The following SLC12A6 variants were observed in gnomAD, a reference collection of about 807,000 sequenced individuals.
SLC12A6 encodes the protein K-Cl cotransporter 3.
SLC12A6 carries 66 observed loss-of-function variants against 135.3 expected under a neutral mutation model. The observed-to-expected ratio is 0.49, with a 90% CI of 0.40 to 0.60. The LOEUF is 0.60. SLC12A6 is among the 20% of genes least tolerant of loss of function. The pLI is 0.00. For missense variants in SLC12A6, 1,058 were observed against 1,452.3 expected (o/e 0.73, Z 4.41); for synonymous variants, 513 against 508.8 (o/e 1.01, Z -0.11).
At chr15:34,308,091 A>C (rs996620834) in intron 2 of SLC12A6, among the ~76,000 whole-genome samples, 1 of 152,112 alleles carries the variant, frequency 6.6e-6, no homozygotes, top group Non-Finnish European at 1.5e-5. Context: ...ATGAAATATA[A>C]TTTTTCTTAA....
intron 2 of SLC12A6, among the ~76,000 whole-genome samples, chr15:34,283,605 A>G (rs1329338660): frequency 6.6e-6 from 1 of 152,136 alleles, no homozygotes. Flanking sequence ...TATTTAGGAA[A>G]TATTAATGTA....
At chr15:34,242,012 A>G in intron 17 of SLC12A6, 90 bp downstream of exon 17, 1 of 917,284 alleles carries the variant, frequency 1.1e-6, no homozygotes, top group Non-Finnish European at 1.8e-6. Context: ...AAGTTACCTG[A>G]GTCCTTAAGA....
intron 25 of SLC12A6, 39 bp from the exon 26 acceptor site, chr15:34,234,011 C>G (rs761919498): frequency 3.8e-6 from 4 of 1,048,148 alleles, no homozygotes; most frequent in African/African-American, 3.1e-5. Context: ...AAGAAGAGCA[C>G]AAACTTAAAA....
rs1889067374 is a variant in SLC12A6 at position 34,321,209 on chromosome 15, T to C, written c.271+15201A>G. On this transcript the variant is annotated intron_variant, in intron 2 of 25. Transcript: ENST00000354181. ...GAAAACTCATATACACTCACCTAAA[T>C]TTTATTTCATTGGTTCTTAATAGCA... Among the ~76,000 whole-genome samples the C allele has an allele frequency of 2.6e-5, 4 of 152,326 alleles. No individual in the cohort carries two copies. In the South Asian group the frequency reaches 8.3e-4, roughly 32 times the overall value.
chr15:34,298,447 C>A (rs1358324187), intron 2 of SLC12A6, among the ~76,000 whole-genome samples: 1 of 151,558 alleles, frequency 6.6e-6, no homozygotes, highest in Non-Finnish European at 1.5e-5. Context: ...TGCACTCCAG[C>A]CTAGGCGACA....
chr15:34,333,225 T>C (rs1210298052), intron 2 of SLC12A6, among the ~76,000 whole-genome samples: 2 of 150,082 alleles, frequency 1.3e-5, no homozygotes, highest in Non-Finnish European at 2.9e-5. Context: ...TATTTTTTTT[T>C]CTTTTTCTTT....
At chr15:34,326,858 CTTTTTTTTTTTTT>C (rs397963192) in intron 2 of SLC12A6, among the ~76,000 whole-genome samples, 3 of 72,182 alleles carry the variant, frequency 4.2e-5, no homozygotes, top group African/African-American at 2.5e-4. Flanking sequence ...CAACTGGCTG[CTTTTTTTTTTTTT>C]TTTTTTTTTT....
chr15:34,229,867 T>C lies in SLC12A6; in HGVS notation c.*4014A>G. On this transcript the variant is annotated 3_prime_UTR_variant, in exon 26 of 26. Transcript: ENST00000354181. The stretch of plus-strand genomic sequence containing the variant: ...CTTTAAGCCCAGTGGCTCCTCAGCA[T>C]ACTCTTAAACTAATCACTTATGTTA... The C allele has an allele frequency of 7.4e-7, 1 of 1,343,942 alleles. No individual in the cohort carries two copies. Among genetic ancestry groups the C allele is most frequent in the Non-Finnish European group, 1.1e-6 (1 of 934,278 alleles). 83.3% of individuals were successfully genotyped at this position (1,343,942 alleles called of 1,614,324 possible).
At chr15:34,323,184 G>T (rs886162193) in intron 2 of SLC12A6, among the ~76,000 whole-genome samples, 1 of 152,096 alleles carries the variant, frequency 6.6e-6, no homozygotes, top group Non-Finnish European at 1.5e-5. Flanking sequence ...TCAATAATAT[G>T]AAGACAAATA....
At chr15:34,258,664 G>A in intron 5 of SLC12A6, 149 bp downstream of exon 5, 3 of 757,636 alleles carry the variant, frequency 4.0e-6, no homozygotes, top group South Asian at 1.4e-5. Flanking sequence ...TGTTTTCTTT[G>A]TGCTATGACG....
At chr15:34,323,940 C>CAAA (rs144461318) in intron 2 of SLC12A6, among the ~76,000 whole-genome samples, 2 of 130,994 alleles carry the variant, frequency 1.5e-5, no homozygotes, top group East Asian at 2.5e-4. Context: ...GATCTTGTCT[C>CAAA]AAAAAAAAAA....
rs142754013 is a variant in SLC12A6 at position 34,252,356 on chromosome 15, A to C, written c.1147T>G (p.Ser383Ala). 2.5e-6 allele frequency: 4 copies of C among 1,612,286 alleles called. No individual in the cohort carries two copies. In the African/African-American group the frequency reaches 5.3e-5, roughly 22 times the overall value. ...GAGCAAACGTCAATGTGTCTTGATG[A>C]AAGGGTGCGGTTACCCAGCATGCAG... Reference protein sequence around the residue: ...PVCMLGNRTLSSRHIDVCSKT... With the variant: ...PVCMLGNRTLASRHIDVCSKT... The change falls in exon 10 of 26, where the codon TCA (serine) becomes GCA (alanine). Residue 383 changes from serine to alanine, a missense_variant. Around this residue, in one of 6 missense-constraint regions of SLC12A6, gnomAD observed 297 missense variants for 318.5 expected, o/e 0.93. Transcript: ENST00000354181.
At chr15:34,282,379 A>T (rs1490473063) in intron 2 of SLC12A6, among the ~76,000 whole-genome samples, 1 of 152,206 alleles carries the variant, frequency 6.6e-6, no homozygotes, top group Non-Finnish European at 1.5e-5. Flanking sequence ...TTTTGTATCA[A>T]ATACCTTGTA....
At chr15:34,312,718 GTTTT>G (rs968051716) in intron 2 of SLC12A6, among the ~76,000 whole-genome samples, 27 of 152,272 alleles carry the variant, frequency 1.8e-4, no homozygotes, top group Non-Finnish European at 2.2e-4. Flanking sequence ...ATACTTTGGG[GTTTT>G]TTGTTTGTTT....
rs1413045443 is a variant in SLC12A6, at chr15:34,230,163, CA to C, written c.*3717del. 9.2e-6 allele frequency: 2 copies of C among 217,130 alleles called. No homozygotes were observed. The highest frequency in any genetic ancestry group is 2.3e-5 in the African/African-American group (1 of 43,904). 13.5% of individuals were successfully genotyped at this position (217,130 alleles called of 1,614,324 possible). A position where few individuals can be genotyped will look rare whatever the true frequency, so the allele number is the denominator to read the frequency against. Reference sequence around the variant, plus strand: ...AGAACAATGCATAAAAAAAGTTGCACAAGTTCCTTATTTTCCTTAATATTTC... The same window carrying C: ...AGAACAATGCATAAAAAAAGTTGCACAGTTCCTTATTTTCCTTAATATTTC... On this transcript the variant is annotated 3_prime_UTR_variant, in exon 26 of 26. Coordinates refer to ENST00000354181, the MANE Select transcript of SLC12A6 (RefSeq NM_001365088.1).
chr15:34,245,168 A>T, intron 15 of SLC12A6, 117 bp downstream of exon 15: 1 of 743,220 alleles, frequency 1.3e-6, no homozygotes, highest in South Asian at 1.4e-5. Flanking sequence ...TATTTAAGTG[A>T]AGTTACATCT....
intron 2 of SLC12A6, among the ~76,000 whole-genome samples, chr15:34,322,115 G>C (rs1420269461): frequency 6.6e-6 from 1 of 152,100 alleles, no homozygotes; most frequent in Non-Finnish European, 1.5e-5. Flanking sequence ...GCCGGGCGTG[G>C]TGGCTCACAC....
intron 5 of SLC12A6, 31 bp downstream of exon 5, chr15:34,258,782 C>A (rs376870213): frequency 1.9e-6 from 3 of 1,585,640 alleles, no homozygotes; most frequent in South Asian, 1.1e-5. Context: ...AGGGCTCTTT[C>A]TATGTATTCC....
chr15:34,258,721 A>G lies in SLC12A6; in HGVS notation c.543+92T>C, dbSNP rs1892919502. 2.5e-5 allele frequency: 27 copies of G among 1,085,556 alleles called. No homozygotes were observed. The South Asian group carries it at 3.3e-4, about 13-fold the overall frequency. 67.2% of individuals were successfully genotyped at this position (1,085,556 alleles called of 1,614,324 possible). ...GGCACCTCTCAAGCATTTAATAAATAGCTGCTGAACACAGAATGGTGCCTT... is the reference window on the plus strand; with the variant it reads ...GGCACCTCTCAAGCATTTAATAAATGGCTGCTGAACACAGAATGGTGCCTT... On this transcript the variant is annotated intron_variant, in intron 5 of 25. Coordinates refer to ENST00000354181, the MANE Select transcript of SLC12A6 (RefSeq NM_001365088.1).
Sources: allele counts gnomAD v4.1 joint callset (sites outside exome capture counted in the v4.1 genomes callset), GRCh38; gene constraint gnomAD v4.1.1; regional missense constraint gnomAD v4.1.1; transcripts MANE v1.5; gene names NCBI Gene and HGNC (gene_info 2026-07-23, HGNC 2026-07-21).